DOCK9: variants seen among roughly 807,000 people sequenced by gnomAD.
The protein encoded by DOCK9 is dedicator of cytokinesis protein 9.
In DOCK9, 89 loss-of-function variants were observed where a neutral mutation model predicts 263.3. That is an observed-to-expected ratio of 0.34 (90% CI 0.28 to 0.40). DOCK9 has a LOEUF of 0.40. DOCK9 is among the 10% of genes least tolerant of loss of function. The pLI is 1.00. For synonymous variants in DOCK9, 976 were observed against 973.1 expected (o/e 1.00, Z -0.06); for missense variants, 2,140 against 2,603.4 (o/e 0.82, Z 3.87).
Position 98,883,287 on chromosome 13 carries a change from G to A in DOCK9, c.2470-156C>T, listed in dbSNP as rs145929085. Among the ~76,000 whole-genome samples the A allele has an allele frequency of 9.3e-4, 142 of 152,062 alleles. 6 individuals carry two copies. In the East Asian group the frequency reaches 0.023, roughly 24 times the overall value. ...TTTTGAGACAGAGTCTTGCTCTGTC[G>A]CCCTGGCTGGGGTGCAGTGACATGA... On this transcript the variant is annotated intron_variant, in intron 22 of 52. Coordinates refer to ENST00000682017, the MANE Select transcript of DOCK9 (RefSeq NM_001366683.2).
intron 1 of DOCK9, among the ~76,000 whole-genome samples, chr13:99,008,343 C>T (rs544248470): frequency 2.6e-5 from 4 of 151,378 alleles, no homozygotes; most frequent in Admixed American, 2.6e-4. Context: ...AAGCAATTCT[C>T]CTGCCTCAGC....
At chr13:98,966,441 A>G (rs1350139762) in intron 1 of DOCK9, among the ~76,000 whole-genome samples, 1 of 152,260 alleles carries the variant, frequency 6.6e-6, no homozygotes, top group African/African-American at 2.4e-5. Context: ...AAAATCAAAA[A>G]AGAAAAAGAT....
intron 27 of DOCK9, among the ~76,000 whole-genome samples, chr13:98,878,120 C>T (rs746906298): frequency 6.6e-6 from 1 of 152,152 alleles, no homozygotes; most frequent in Non-Finnish European, 1.5e-5. Context: ...GACACAGACG[C>T]GCACAGAAGG....
chr13:98,832,211 A>T lies in DOCK9; in HGVS notation c.4315-425T>A, dbSNP rs550696352. ...ATATGAAACAGGTCTTCGAAAAGGG[A>T]AAAGTGATCTCCCCAGGCCTCTAAG... On this transcript the variant is annotated intron_variant, in intron 39 of 52. Transcript: ENST00000682017. 10 of 169,946 alleles carry T rather than the reference A, an allele frequency of 5.9e-5. No individual in the cohort carries two copies. In the East Asian group the frequency reaches 1.6e-3, roughly 27 times the overall value. The allele number at this position is 169,946 out of a possible 1,614,324, so 10.5% of individuals were successfully genotyped here.
upstream of DOCK9, among the ~76,000 whole-genome samples, chr13:98,981,061 GTTT>G (rs1038373466): frequency 2.1e-5 from 3 of 142,102 alleles, no homozygotes; most frequent in Non-Finnish European, 3.1e-5. Flanking sequence ...TTTGTTTTTT[GTTT>G]TTTTTTTTTC....
At chr13:98,862,950 T>A in intron 32 of DOCK9, 69 bp downstream of exon 32, 3 of 1,372,334 alleles carry the variant, frequency 2.2e-6, no homozygotes, top group Admixed American at 2.0e-5. Flanking sequence ...GCCACCCAGC[T>A]TATGGCGCTT....
chr13:98,924,918 A>C (rs1445006041), intron 4 of DOCK9, among the ~76,000 whole-genome samples: 1 of 151,804 alleles, frequency 6.6e-6, no homozygotes, highest in Non-Finnish European at 1.5e-5. Flanking sequence ...TAATCCCAGC[A>C]CTTTGGGAGG....
rs552323324 is a variant in DOCK9, at chr13:98,887,451, C to T, written c.2043+707G>A. On this transcript the variant is annotated intron_variant, in intron 18 of 52. Coordinates refer to ENST00000682017, the MANE Select transcript of DOCK9 (RefSeq NM_001366683.2). ...CTAACATGGTGAAACCCCGTCTCTA[C>T]TAAAAATACAAAAAATTAGCGGGGT... 5.6e-3 allele frequency among the ~76,000 whole-genome samples: 838 copies of T among 150,748 alleles called. 8 individuals carry two copies. The highest frequency in any genetic ancestry group is 0.02 in the African/African-American group (813 of 41,086).
rs1484914263 is a variant in DOCK9 at position 98,805,036 on chromosome 13, C to T, written c.5688G>A (p.Gly1896=). 4 of 1,610,320 alleles carry T rather than the reference C, an allele frequency of 2.5e-6. No individual in the cohort carries two copies. Among genetic ancestry groups the T allele is most frequent in the Middle Eastern group, 1.6e-4 (1 of 6,072 alleles). The change falls in exon 49 of 53, where the codon GGG becomes GGA. Residue 1896 remains glycine (G), a synonymous_variant. Coordinates refer to ENST00000682017, the MANE Select transcript of DOCK9 (RefSeq NM_001366683.2). ...TGCGCCGTTTGCACTGCTCTTCCAC[C>T]CCGCCCTGCCTCTTCCCGGTCTGCG... ...PFTQTGKRQG[G]VEEQCKRRTI... is the part of the protein sequence containing the mutation.
At chr13:98,940,520 C>A (rs965356130) in intron 2 of DOCK9, among the ~76,000 whole-genome samples, 2 of 152,094 alleles carry the variant, frequency 1.3e-5, no homozygotes, top group Non-Finnish European at 2.9e-5. Context: ...CACCGTGGCC[C>A]CCCAAAGTGC....
At chr13:99,046,850 C>T (rs564439884) in intron 1 of DOCK9, among the ~76,000 whole-genome samples, 12 of 152,194 alleles carry the variant, frequency 7.9e-5, no homozygotes, top group Non-Finnish European at 1.6e-4. Flanking sequence ...TTCATGCCTG[C>T]GTTTAAGGTA....
At chr13:98,882,237 T>C (rs370518397) in intron 23 of DOCK9, among the ~76,000 whole-genome samples, 115 of 152,054 alleles carry the variant, frequency 7.6e-4, no homozygotes, top group African/African-American at 2.6e-3. Flanking sequence ...ATAGGGATTA[T>C]CCAGGTGTGC....
intron 52 of DOCK9, among the ~76,000 whole-genome samples, chr13:98,796,780 A>G (rs1048372922): frequency 1.6e-4 from 24 of 152,366 alleles, no homozygotes; most frequent in Admixed American, 5.9e-4. Context: ...TAAAGTTGTC[A>G]GAACAGTATG....
intron 35 of DOCK9, among the ~76,000 whole-genome samples, chr13:98,851,501 C>T (rs980339180): frequency 7.9e-5 from 12 of 152,164 alleles, no homozygotes; most frequent in African/African-American, 2.2e-4. Flanking sequence ...CCAGACGAAG[C>T]GGCCAGCGGC....
intron 1 of DOCK9, among the ~76,000 whole-genome samples, chr13:99,005,338 A>G (rs150246992): frequency 2.8e-3 from 426 of 152,314 alleles, no homozygotes; most frequent in African/African-American, 1.0e-2. Flanking sequence ...TGTTTATTCT[A>G]TCTTTAAATT....
chr13:98,925,882 T>C lies in DOCK9; in HGVS notation c.371A>G (p.Asn124Ser). 1 of 1,587,452 alleles carries C rather than the reference T, an allele frequency of 6.3e-7. No individual in the cohort carries two copies. ...TCCTGAGTAATCTTCATATTTATAG[T>C]TCACAAGATGCCAGTCAGAGTTATA... The part of the protein sequence containing the change: ...KTYNSDWHLV[N>S]YKYEDYSGEF... Residue 124 changes from asparagine (N) to serine (S), a missense_variant, in exon 4 of 53, where the codon AAC becomes AGC. Coordinates refer to ENST00000682017, the MANE Select transcript of DOCK9 (RefSeq NM_001366683.2).
chr13:98,887,720 C>T (rs1169551506), intron 18 of DOCK9, among the ~76,000 whole-genome samples: 2 of 147,336 alleles, frequency 1.4e-5, no homozygotes, highest in African/African-American at 5.0e-5. Flanking sequence ...GCCTGGAGTA[C>T]AAACAGCTTT....
At chr13:98,991,414 C>A (rs1316491408) in intron 1 of DOCK9, among the ~76,000 whole-genome samples, 1 of 152,118 alleles carries the variant, frequency 6.6e-6, no homozygotes, top group African/African-American at 2.4e-5. Context: ...AGTAGCTAGA[C>A]CTGTGCTGGC....
At chr13:98,911,706 C>A (rs1321245920) in intron 9 of DOCK9, among the ~76,000 whole-genome samples, 1 of 151,342 alleles carries the variant, frequency 6.6e-6, no homozygotes, top group Non-Finnish European at 1.5e-5. Flanking sequence ...ACCAGCCTCG[C>A]CAACATGGTA....
Sources: allele counts gnomAD v4.1 joint callset (sites outside exome capture counted in the v4.1 genomes callset), GRCh38; gene constraint gnomAD v4.1.1; transcripts MANE v1.5; gene names NCBI Gene and HGNC (gene_info 2026-07-23, HGNC 2026-07-21).